The following SLC22A24 variants were observed in gnomAD, a reference collection of about 807,000 sequenced individuals.
SLC22A24 encodes the protein solute carrier family 22 member 24, also known as steroid transmembrane transporter SLC22A24.
In SLC22A24, 53 loss-of-function variants were observed where a neutral mutation model predicts 49.8. That is an observed-to-expected ratio of 1.06 (90% CI 0.85 to 1.34). SLC22A24 has a LOEUF of 1.34. Among genes scored for constraint, SLC22A24 ranks in the 40% most tolerant of loss-of-function variants. The probability of loss-of-function intolerance (pLI) is 0.00; values close to 1 mark genes in which losing one functional copy is unlikely to be tolerated. For missense variants in SLC22A24, 786 were observed against 675.9 expected (o/e 1.16, Z -1.81); for synonymous variants, 302 against 256.4 (o/e 1.18, Z -1.70).
intron 4 of SLC22A24, among the ~76,000 whole-genome samples, chr11:63,113,011 CAAAA>C (rs869264212): frequency 0.011 from 132 of 12,012 alleles, 29 homozygotes; most frequent in African/African-American, 0.05. Flanking sequence ...GACTCTGTCT[CAAAA>C]AAAAAAAAAA....
intron 6 of SLC22A24, among the ~76,000 whole-genome samples, chr11:63,094,380 T>G (rs1019300351): frequency 2.0e-5 from 3 of 152,260 alleles, no homozygotes; most frequent in African/African-American, 7.2e-5. Flanking sequence ...CAGTCTATCA[T>G]TGTTAGACAT....
intron 4 of SLC22A24, among the ~76,000 whole-genome samples, chr11:63,108,796 T>C (rs2087140387): frequency 6.6e-6 from 1 of 152,108 alleles, no homozygotes; most frequent in African/African-American, 2.4e-5. Context: ...TATCATTTTT[T>C]TTTGCATCTA....
chr11:63,117,510 C>T (rs2087220079), intron 4 of SLC22A24, among the ~76,000 whole-genome samples: 1 of 152,102 alleles, frequency 6.6e-6, no homozygotes, highest in Non-Finnish European at 1.5e-5. Flanking sequence ...AGCTTAGGGA[C>T]TTCCCCTTTC....
rs1565328257 is a variant in SLC22A24, at chr11:63,104,221, G to A, written c.908C>T (p.Ala303Val). 1 of 1,550,586 alleles carries A rather than the reference G, an allele frequency of 6.4e-7. No homozygotes were observed. The highest frequency in any genetic ancestry group is 2.0e-5 in the Admixed American group (1 of 50,972). ...AGTATTCTTTTTTCCATTTATGTGT[G>A]CAACTCTTCTAAGCTCCTTTAAGCC... ...DEGLKELRRVAHINGKKNTEE... is the reference protein window; with the variant it reads ...DEGLKELRRVVHINGKKNTEE... Residue 303 changes from alanine to valine, a missense_variant, in exon 5 of 10, where the codon GCA (alanine) becomes GTA (valine). Physicochemically the swap from Ala to Val is moderately conservative, Grantham distance 64 (BLOSUM62 0). Transcript: ENST00000612278.
At position 63,081,044 on chromosome 11, in the gene SLC22A24, A is replaced by G; in HGVS notation, c.1474T>C (p.Tyr492His). The change falls in exon 9 of 10, where the codon TAT (tyrosine) becomes CAT (histidine). Residue 492 changes from tyrosine (Y) to histidine (H), a missense_variant. By Grantham distance (83) the Tyr-to-His change is moderately conservative (BLOSUM62 2). Coordinates refer to ENST00000612278, the MANE Select transcript of SLC22A24 (RefSeq NM_001136506.2). ...LAPLLMTLMA[Y>H]SPHLPWISYG... ...GAAATCCAGGGTAGGTGGGGAGAAT[A>G]CGCCATTAAGGTCATCAACAGAGGA... 6.4e-7 allele frequency: 1 copy of G among 1,551,694 alleles called. No individual in the cohort carries two copies. Among genetic ancestry groups the G allele is most frequent in the Non-Finnish European group, 8.7e-7 (1 of 1,146,978 alleles).
At chr11:63,110,481 C>G (rs2087155132) in intron 4 of SLC22A24, among the ~76,000 whole-genome samples, 1 of 141,308 alleles carries the variant, frequency 7.1e-6, no homozygotes, top group Non-Finnish European at 1.6e-5. Context: ...TTCCCATGAG[C>G]ATGGAATGTT....
intron 6 of SLC22A24, among the ~76,000 whole-genome samples, chr11:63,087,024 G>GTGCGCACACA (rs1555045311): frequency 7.5e-6 from 1 of 132,630 alleles, no homozygotes; most frequent in South Asian, 2.6e-4. Context: ...CCTGGAGGGC[G>GTGCGCACACA]CACACACACA....
intron 6 of SLC22A24, among the ~76,000 whole-genome samples, chr11:63,095,580 G>A (rs138751597): frequency 3.8e-4 from 58 of 152,252 alleles, no homozygotes; most frequent in African/African-American, 1.3e-3. Context: ...CATGAGAGAT[G>A]ATTCAGGATG....
chr11:63,104,159 C>A lies in SLC22A24; in HGVS notation c.954+16G>T, dbSNP rs2087106714. 1.3e-6 allele frequency: 2 copies of A among 1,547,870 alleles called. No individual in the cohort carries two copies. Among genetic ancestry groups the A allele is most frequent in the African/African-American group, 2.7e-5 (2 of 72,986 alleles). On this transcript the variant is annotated intron_variant, in intron 5 of 9. Coordinates refer to ENST00000612278, the MANE Select transcript of SLC22A24 (RefSeq NM_001136506.2). ...TTTCATTTAATCACAGCAATCATTTCCCCTTTCCAGATCACCTCAGTGGTC... is the reference window on the plus strand; with the variant it reads ...TTTCATTTAATCACAGCAATCATTTACCCTTTCCAGATCACCTCAGTGGTC...
chr11:63,107,859 T>C (rs1228733582), intron 4 of SLC22A24, among the ~76,000 whole-genome samples: 1 of 152,156 alleles, frequency 6.6e-6, no homozygotes, highest in Non-Finnish European at 1.5e-5. Context: ...TTTCTAGATA[T>C]ACAATCATGT....
chr11:63,079,967 A>T lies in SLC22A24; in HGVS notation c.1632T>A (p.Asp544Glu). The change falls in exon 10 of 10, where the codon GAT (aspartate) becomes GAA (glutamate). Residue 544 changes from aspartate (D) to glutamate (E), a missense_variant. Physicochemically the swap from Asp to Glu is conservative, Grantham distance 45 (BLOSUM62 2). Transcript: ENST00000612278. ...RKDSRNIKQE[D>E]TCMKVTQF is the part of the protein sequence containing the mutation. ...AAAACTGTGTTACTTTCATGCAAGT[A>T]TCTTCCTGCTTTATGTTTCTTGAAT... 2 of 1,547,054 alleles carry T rather than the reference A, an allele frequency of 1.3e-6. No homozygotes were observed. Among genetic ancestry groups the T allele is most frequent in the South Asian group, 1.2e-5 (1 of 83,946 alleles).
intron 1 of SLC22A24, among the ~76,000 whole-genome samples, chr11:63,138,509 GC>G (rs2087391356): frequency 6.6e-6 from 1 of 151,532 alleles, no homozygotes; most frequent in Non-Finnish European, 1.5e-5. Context: ...GGGTGTGGTG[GC>G]GGGCACCTGT....
chr11:63,095,383 C>T (rs1212996919), intron 6 of SLC22A24, among the ~76,000 whole-genome samples: 2 of 152,012 alleles, frequency 1.3e-5, no homozygotes, highest in African/African-American at 4.8e-5. Context: ...GAGAAAATGA[C>T]CTACAATTAA....
chr11:63,080,858 C>T (rs914486660), intron 9 of SLC22A24, 62 bp downstream of exon 9: 2 of 1,422,858 alleles, frequency 1.4e-6, no homozygotes, highest in African/African-American at 1.4e-5. Context: ...TGACCTTTCT[C>T]ATTAAACAGC....
At chr11:63,103,879 A>C (rs2087105119) in intron 5 of SLC22A24, among the ~76,000 whole-genome samples, 1 of 152,232 alleles carries the variant, frequency 6.6e-6, no homozygotes, top group Admixed American at 6.5e-5. Context: ...ACCATGAGTC[A>C]GTAAAATAGT....
chr11:63,136,265 C>G (rs997001570), intron 1 of SLC22A24, among the ~76,000 whole-genome samples: 6 of 152,290 alleles, frequency 3.9e-5, no homozygotes, highest in African/African-American at 1.4e-4. Context: ...GTCATGGTCA[C>G]TGTTTGGTTG....
chr11:63,133,798 C>T (rs575518123), intron 2 of SLC22A24, among the ~76,000 whole-genome samples: 1 of 152,184 alleles, frequency 6.6e-6, no homozygotes, highest in South Asian at 2.1e-4. Flanking sequence ...GTGCCAGCCA[C>T]CATGCCAGGC....
intron 2 of SLC22A24, 87 bp from the exon 3 acceptor site, chr11:63,119,422 G>C: frequency 7.9e-7 from 1 of 1,271,552 alleles, no homozygotes. Flanking sequence ...CTTGAAATTA[G>C]GATAAATGTT....
intron 5 of SLC22A24, among the ~76,000 whole-genome samples, chr11:63,099,006 A>G (rs1436543300): frequency 2.0e-5 from 3 of 152,114 alleles, no homozygotes; most frequent in African/African-American, 4.8e-5. Flanking sequence ...ACATTATAAA[A>G]GCTAGAAAAA....
Sources: gnomAD v4.1 joint callset for allele counts (sites outside exome capture counted in the v4.1 genomes callset) on GRCh38, gnomAD v4.1.1 for gene constraint, MANE v1.5 for transcripts, NCBI Gene and HGNC (gene_info 2026-07-23, HGNC 2026-07-21) for gene names.